The following MMP24 variants were observed in gnomAD, a reference collection of about 807,000 sequenced individuals.
MMP24 encodes the protein matrix metallopeptidase 24.
In MMP24, 25 loss-of-function variants were observed where a neutral mutation model predicts 62.8. That is an observed-to-expected ratio of 0.40 (90% CI 0.29 to 0.56). The LOEUF is 0.56. Among genes scored for constraint, MMP24 ranks in the 20% least tolerant of loss-of-function variants. The probability of loss-of-function intolerance (pLI) is 0.50; values close to 1 mark genes in which losing one functional copy is unlikely to be tolerated. For missense variants in MMP24, 634 were observed against 853.6 expected (o/e 0.74, Z 3.21); for synonymous variants, 319 against 350.5 (o/e 0.91, Z 1.00).
intron 4 of MMP24, 33 bp downstream of exon 4, chr20:35,254,787 G>C (rs2060566587): frequency 6.4e-7 from 1 of 1,567,450 alleles, no homozygotes; most frequent in African/African-American, 1.4e-5. Context: ...GTCAGTCTTG[G>C]GCTGCTCAGT....
At chr20:35,246,063 A>G (rs865798825) in intron 1 of MMP24, among the ~76,000 whole-genome samples, 3 of 152,144 alleles carry the variant, frequency 2.0e-5, no homozygotes, top group Middle Eastern at 3.4e-3. Context: ...TCCTGCCAAT[A>G]AATATTCTAC....
At chr20:35,241,775 CT>C (rs148447142) in intron 1 of MMP24, among the ~76,000 whole-genome samples, 3 of 152,334 alleles carry the variant, frequency 2.0e-5, no homozygotes, top group Non-Finnish European at 2.9e-5. Flanking sequence ...AGAAGACCCC[CT>C]GTTCCTCACT....
At chr20:35,260,874 A>T (rs1476403735) in intron 4 of MMP24, among the ~76,000 whole-genome samples, 1 of 152,184 alleles carries the variant, frequency 6.6e-6, no homozygotes, top group Non-Finnish European at 1.5e-5. Context: ...TAAGCCAGGA[A>T]GGCCAAACAA....
intron 4 of MMP24, 130 bp from the exon 5 acceptor site, chr20:35,263,661 G>C (rs2060616051): frequency 4.3e-6 from 3 of 696,728 alleles, no homozygotes; most frequent in African/African-American, 1.9e-5. Flanking sequence ...TGATTTCTCT[G>C]TATGTCCCTG....
chr20:35,270,209 A>G (rs535267115), intron 7 of MMP24, among the ~76,000 whole-genome samples: 122 of 152,026 alleles, frequency 8.0e-4, no homozygotes, highest in African/African-American at 2.9e-3. Context: ...AGGTCACTCA[A>G]GCTGGGGAGG....
At chr20:35,232,330 T>G (rs2146199216) in intron 1 of MMP24, among the ~76,000 whole-genome samples, 1 of 152,310 alleles carries the variant, frequency 6.6e-6, no homozygotes, top group Admixed American at 6.5e-5. Flanking sequence ...AGCCAATATC[T>G]CCTCAGTACC....
chr20:35,227,009 G>GT (rs2060416557), intron 1 of MMP24, 25 bp downstream of exon 1: 7 of 980,484 alleles, frequency 7.1e-6, no homozygotes, highest in Non-Finnish European at 8.5e-6. Flanking sequence ...CGGGGCCGGG[G>GT]CGCGGGCTCG....
intron 4 of MMP24, among the ~76,000 whole-genome samples, chr20:35,259,441 T>C (rs556890777): frequency 6.6e-6 from 1 of 152,180 alleles, no homozygotes; most frequent in East Asian, 1.9e-4. Flanking sequence ...TGTGCACTAG[T>C]GGCAATCACG....
At chr20:35,232,766 G>A (rs1002472957) in intron 1 of MMP24, among the ~76,000 whole-genome samples, 1 of 152,200 alleles carries the variant, frequency 6.6e-6, no homozygotes, top group African/African-American at 2.4e-5. Context: ...AAGGAGAAGA[G>A]GCTGGAGAGG....
At chr20:35,265,504 C>G (rs2060628297) in intron 5 of MMP24, among the ~76,000 whole-genome samples, 2 of 151,872 alleles carry the variant, frequency 1.3e-5, no homozygotes, top group South Asian at 4.1e-4. Flanking sequence ...ATACAGTAAC[C>G]ACTAGTCATA....
intron 4 of MMP24, among the ~76,000 whole-genome samples, chr20:35,258,682 T>C (rs993243319): frequency 2.0e-5 from 3 of 152,146 alleles, no homozygotes; most frequent in South Asian, 4.1e-4. Flanking sequence ...CTATTCACCA[T>C]ATTAGCAAAT....
At chr20:35,268,833 C>T (rs892848454) in intron 6 of MMP24, among the ~76,000 whole-genome samples, 2 of 151,892 alleles carry the variant, frequency 1.3e-5, no homozygotes, top group South Asian at 2.1e-4. Context: ...CAAGACCATC[C>T]TGGCTAACAT....
chr20:35,272,132 T>C (rs1331093001), intron 8 of MMP24: 9 of 465,348 alleles, frequency 1.9e-5, no homozygotes, highest in Non-Finnish European at 3.4e-5. Context: ...CAGGGACGCC[T>C]TGAGTTACCC....
intron 4 of MMP24, chr20:35,256,544 A>C (rs1043880781): frequency 1.1e-4 from 16 of 152,060 alleles, no homozygotes; most frequent in African/African-American, 3.9e-4. Context: ...ACATGGTGAA[A>C]CCCATCTCTA....
chr20:35,259,308 G>A (rs1318304306), intron 4 of MMP24, among the ~76,000 whole-genome samples: 1 of 152,228 alleles, frequency 6.6e-6, no homozygotes, highest in African/African-American at 2.4e-5. Context: ...TGCTGCAGGT[G>A]GTCCGAGTAT....
Position 35,246,843 on chromosome 20 carries a change from T to C in MMP24, c.250T>C (p.Trp84Arg), listed in dbSNP as rs975699564. The change falls in exon 2 of 9, where the codon TGG becomes CGG. Residue 84 changes from tryptophan (W) to arginine (R), a missense_variant. Physicochemically the swap from Trp to Arg is moderately radical, Grantham distance 101. Coordinates refer to ENST00000246186, the MANE Select transcript of MMP24 (RefSeq NM_006690.4). ...EAEAPFAGQN[W>R]LKSYGYLLPY... is the part of the protein sequence containing the mutation. ...TTTTCTTTCCCGTGTCTTTCAGAACTGGTTAAAGTCCTATGGCTATCTGCT... is the reference window on the plus strand; with the variant it reads ...TTTTCTTTCCCGTGTCTTTCAGAACCGGTTAAAGTCCTATGGCTATCTGCT... 1.2e-6 allele frequency: 2 copies of C among 1,613,854 alleles called. No homozygotes were observed. Among genetic ancestry groups the C allele is most frequent in the Non-Finnish European group, 1.7e-6 (2 of 1,179,826 alleles).
At chr20:35,250,387 C>T (rs1018074430) in intron 2 of MMP24, among the ~76,000 whole-genome samples, 13 of 152,026 alleles carry the variant, frequency 8.6e-5, no homozygotes, top group Non-Finnish European at 1.0e-4. Context: ...TAGTGAAACC[C>T]TGTCTGTACT....
At chr20:35,235,146 G>T (rs2060457011) in intron 1 of MMP24, among the ~76,000 whole-genome samples, 1 of 152,224 alleles carries the variant, frequency 6.6e-6, no homozygotes, top group Non-Finnish European at 1.5e-5. Flanking sequence ...GCTCACATCT[G>T]TAACCCTAGC....
Position 35,267,301 on chromosome 20 carries a change from C to T in MMP24, c.1076C>T (p.Pro359Leu), listed in dbSNP as rs776175133. The T allele has an allele frequency of 2.1e-5, 34 of 1,601,608 alleles. No individual in the cohort carries two copies. Among genetic ancestry groups the T allele is most frequent in the Non-Finnish European group, 2.5e-5 (29 of 1,174,708 alleles). Reference sequence around the variant, plus strand: ...TCGGAGAGGAAACACGAGCGCCAGCCCAGGCCCCCTCGGCCGCCCCTCGGG... The same window carrying T: ...TCGGAGAGGAAACACGAGCGCCAGCTCAGGCCCCCTCGGCCGCCCCTCGGG... ...SPSERKHERQPRPPRPPLGDR... is the reference protein window; with the variant it reads ...SPSERKHERQLRPPRPPLGDR... The change falls in exon 6 of 9, where the codon CCC becomes CTC. Residue 359 changes from proline to leucine, a missense_variant. Pro to Leu is a moderately conservative substitution (Grantham distance 98). Transcript: ENST00000246186.
Sources: allele counts gnomAD v4.1 joint callset (sites outside exome capture counted in the v4.1 genomes callset), GRCh38; gene constraint gnomAD v4.1.1; transcripts MANE v1.5; gene names NCBI Gene and HGNC (gene_info 2026-07-23, HGNC 2026-07-21).